Variants in HUS1 observed in about 807,000 individuals in gnomAD.
The protein encoded by HUS1 is checkpoint protein HUS1.
In HUS1, 31 loss-of-function variants were observed where a neutral mutation model predicts 32.6. The ratio of observed to expected loss-of-function variants is 0.95; its 90% confidence interval spans 0.72 to 1.28. The LOEUF (loss-of-function observed/expected upper bound fraction) is 1.28, where lower values mean the gene tolerates loss of function less well. HUS1 is among the 50% of genes most tolerant of loss of function. The pLI, the probability that HUS1 is intolerant of heterozygous loss-of-function variation, is 0.00. For missense variants in HUS1, 340 were observed against 337.7 expected (o/e 1.01, Z -0.05); for synonymous variants, 123 against 116.6 (o/e 1.06, Z -0.36).
chr7:47,969,468 G>GA, intron 5 of HUS1, 150 bp from the exon 6 acceptor site: 1 of 603,524 alleles, frequency 1.7e-6, no homozygotes, highest in Non-Finnish European at 2.9e-6. Context: ...TGCTATCAGG[G>GA]AAAGTGAGAA....
chr7:47,965,614 C>T (rs775383099), intron 7 of HUS1, among the ~76,000 whole-genome samples, 176 bp from the exon 8 acceptor site: 4 of 152,214 alleles, frequency 2.6e-5, no homozygotes, highest in Non-Finnish European at 4.4e-5. Context: ...GGCTACATCA[C>T]GGCCCCAGCA....
chr7:47,966,543 C>T (rs564587629), intron 7 of HUS1, among the ~76,000 whole-genome samples: 1 of 152,272 alleles, frequency 6.6e-6, no homozygotes, highest in South Asian at 2.1e-4. Flanking sequence ...ACTCTGCAGA[C>T]AGGAGGGGTA....
intron 1 of HUS1, 194 bp from the exon 2 acceptor site, chr7:47,979,010 G>GCACA (rs1013079929): frequency 1.7e-6 from 1 of 594,046 alleles, no homozygotes; most frequent in African/African-American, 1.9e-5. Flanking sequence ...GAGATGTACA[G>GCACA]CACACATCAT....
At chr7:47,979,404 C>T in intron 1 of HUS1, 64 bp downstream of exon 1, 14 of 1,566,946 alleles carry the variant, frequency 8.9e-6, no homozygotes, top group Non-Finnish European at 1.2e-5. Context: ...CCTGCGCGGT[C>T]CCCACCGCGC....
At chr7:47,971,625 T>C in intron 5 of HUS1, 1 of 450,816 alleles carries the variant, frequency 2.2e-6, no homozygotes, top group Non-Finnish European at 4.5e-6. Flanking sequence ...GTACCTGTTA[T>C]TTCTCTTTTT....
At position 47,963,528 on chromosome 7, in the gene HUS1, CAAT is replaced by C. The variant is rs1191747283; in HGVS notation, c.*1825_*1827del. On this transcript the variant is annotated 3_prime_UTR_variant, in exon 8 of 8. Transcript: ENST00000258774. ...ACTGCAGCTGGAATTAATTTCGTTA[CAAT>C]GAGAGGAGGAAGGGTTTAAAAATTA... 9.9e-5 allele frequency: 15 copies of C among 152,164 alleles called. No homozygotes were observed. Among genetic ancestry groups the C allele is most frequent in the African/African-American group, 3.4e-4 (14 of 41,410 alleles). 9.4% of individuals were successfully genotyped at this position (152,164 alleles called of 1,614,324 possible).
intron 3 of HUS1, among the ~76,000 whole-genome samples, chr7:47,977,942 G>C (rs1257820451): frequency 2.0e-5 from 3 of 152,180 alleles, no homozygotes; most frequent in Non-Finnish European, 4.4e-5. Flanking sequence ...AGCAACTCTG[G>C]ATTGTATGTA....
At chr7:47,976,043 C>T (rs1183922604) in intron 4 of HUS1, among the ~76,000 whole-genome samples, 1 of 152,182 alleles carries the variant, frequency 6.6e-6, no homozygotes, top group Non-Finnish European at 1.5e-5. Flanking sequence ...AGGCCCTCCT[C>T]TAAGGGACAT....
At chr7:47,979,126 C>A (rs1583727305) in intron 1 of HUS1, among the ~76,000 whole-genome samples, 1 of 152,246 alleles carries the variant, frequency 6.6e-6, no homozygotes, top group African/African-American at 2.4e-5. Flanking sequence ...AGGTTAGGCA[C>A]TGTCAGGGTG....
rs777331089 is a variant in HUS1, at chr7:47,970,232, C to CAAA, written c.541-917_541-915dup. 7.6e-3 allele frequency among the ~76,000 whole-genome samples: 364 copies of CAAA among 47,584 alleles called. 14 individuals carry two copies. Among genetic ancestry groups the CAAA allele is most frequent in the African/African-American group, 0.011 (145 of 13,748 alleles). 31.2% of individuals were successfully genotyped at this position (47,584 alleles called of 152,430 possible). ...TGGGTGAAAGAGCGAGACTCTGTCTCAAAAAAAAAAAAAAAAAAAAAAGAG... is the reference window on the plus strand; with the variant it reads ...TGGGTGAAAGAGCGAGACTCTGTCTCAAAAAAAAAAAAAAAAAAAAAAAAAGAG... On this transcript the variant is annotated intron_variant, in intron 5 of 7. Transcript: ENST00000258774.
chr7:47,969,419 C>G (rs1030956344), intron 5 of HUS1, 101 bp from the exon 6 acceptor site: 3 of 671,492 alleles, frequency 4.5e-6, no homozygotes, highest in African/African-American at 1.8e-5. Flanking sequence ...AAGTACCCTA[C>G]AAAACCTCAA....
Position 47,976,825 on chromosome 7 carries a change from T to C in HUS1, c.370A>G (p.Ser124Gly). 2 of 1,606,034 alleles carry C rather than the reference T, an allele frequency of 1.2e-6. No homozygotes were observed. The highest frequency in any genetic ancestry group is 2.2e-5 in the East Asian group (1 of 44,814). ...TVSVELLSMSSSSRIVTHDIP... is the reference protein window; with the variant it reads ...TVSVELLSMSGSSRIVTHDIP... ...TCATGGGTCACAATGCGGCTACTGC[T>C]TGACATAGATAACTGCCAAGAAAAG... Residue 124 changes from serine (S) to glycine (G), a missense_variant, in exon 4 of 8, where the codon AGC becomes GGC. By Grantham distance (56) the Ser-to-Gly change is moderately conservative. Transcript: ENST00000258774.
At chr7:47,975,230 A>C (rs1788676001) in intron 5 of HUS1, among the ~76,000 whole-genome samples, 1 of 151,108 alleles carries the variant, frequency 6.6e-6, no homozygotes, top group African/African-American at 2.4e-5. Flanking sequence ...AGGTGGGAGA[A>C]TGGCATGAAC....
intron 7 of HUS1, among the ~76,000 whole-genome samples, chr7:47,965,957 G>A (rs1256025401): frequency 6.6e-6 from 1 of 151,976 alleles, no homozygotes; most frequent in Non-Finnish European, 1.5e-5. Context: ...AGCACATGAG[G>A]GTGGGCAGGA....
At position 47,972,058 on chromosome 7, in the gene HUS1, AAT is replaced by A. The variant is rs3176558; in HGVS notation, c.541-2742_541-2741del. 3.0e-3 allele frequency among the ~76,000 whole-genome samples: 453 copies of A among 152,318 alleles called. 5 individuals carry two copies. The highest frequency in any genetic ancestry group is 0.01 in the African/African-American group (416 of 41,582). On this transcript the variant is annotated intron_variant, in intron 5 of 7. Coordinates refer to ENST00000258774, the MANE Select transcript of HUS1 (RefSeq NM_004507.4). The stretch of plus-strand genomic sequence containing the variant: ...CCCTTTTCTTTCATTAATCCAAAAA[AAT>A]ATATTGTTATATTTCCTAACCCGTT...
chr7:47,977,347 A>G (rs1261794173), intron 3 of HUS1, among the ~76,000 whole-genome samples: 1 of 151,860 alleles, frequency 6.6e-6, no homozygotes, highest in Non-Finnish European at 1.5e-5. Context: ...AACCAAGAGA[A>G]GGCCATTCTT....
intron 4 of HUS1, among the ~76,000 whole-genome samples, chr7:47,975,942 G>A (rs1420376046): frequency 2.0e-5 from 3 of 152,178 alleles, no homozygotes; most frequent in Non-Finnish European, 4.4e-5. Flanking sequence ...TGTCCCTGTG[G>A]GCATTCTTTT....
At chr7:47,978,657 AGT>A in intron 2 of HUS1, 30 bp downstream of exon 2, 1 of 1,613,096 alleles carries the variant, frequency 6.2e-7, no homozygotes, top group South Asian at 1.1e-5. Flanking sequence ...CAATCTGCAG[AGT>A]GTGCAGGCCT....
At position 47,969,303 on chromosome 7, in the gene HUS1, G is replaced by C; in HGVS notation, c.556C>G (p.Leu186Val). The C allele has an allele frequency of 6.3e-7, 1 of 1,582,266 alleles. No individual in the cohort carries two copies. The change falls in exon 6 of 8, where the codon CTA becomes GTA. Residue 186 changes from leucine to valine, a missense_variant. Leu to Val is a conservative substitution (Grantham distance 32, BLOSUM62 1). Coordinates refer to ENST00000258774, the MANE Select transcript of HUS1 (RefSeq NM_004507.4). ...ATTTTCAAATTCAATTCTCCATCTA[G>C]GTTTGCTTCAATAACCTGCAAATTG... ...ISNHLVIEANLDGELNLKIET... is the reference protein window; with the variant it reads ...ISNHLVIEANVDGELNLKIET...
Sources: gnomAD v4.1 joint callset for allele counts (sites outside exome capture counted in the v4.1 genomes callset) on GRCh38, gnomAD v4.1.1 for gene constraint, MANE v1.5 for transcripts, NCBI Gene and HGNC (gene_info 2026-07-23, HGNC 2026-07-21) for gene names.